DPF3: variants seen among roughly 807,000 people sequenced by gnomAD.
DPF3 encodes the protein zinc finger protein DPF3.
Under a neutral mutation model 56.8 loss-of-function variants are expected in DPF3, and 18 were observed. The observed-to-expected ratio is 0.32, with a 90% CI of 0.22 to 0.47. The LOEUF (loss-of-function observed/expected upper bound fraction) is 0.47, where lower values mean the gene tolerates loss of function less well. Ranked by LOEUF, DPF3 falls within the 20% of genes least tolerant of loss-of-function variation. The pLI is 1.00. For synonymous variants in DPF3, 188 were observed against 180.2 expected (o/e 1.04, Z -0.35); for missense variants, 403 against 488.8 (o/e 0.82, Z 1.65).
intron 1 of DPF3, among the ~76,000 whole-genome samples, chr14:72,810,417 G>A (rs1282186928): frequency 6.6e-6 from 1 of 152,184 alleles, no homozygotes; most frequent in Non-Finnish European, 1.5e-5. Context: ...GCCAGGGTGT[G>A]TTCTAATACG....
At chr14:72,834,452 G>A (rs140278058) in intron 1 of DPF3, among the ~76,000 whole-genome samples, 7 of 146,764 alleles carry the variant, frequency 4.8e-5, no homozygotes, top group Non-Finnish European at 8.9e-5. Context: ...AGCCGAGATC[G>A]TGCCACTGTA....
chr14:72,878,538 T>A (rs1454461011), intron 1 of DPF3, among the ~76,000 whole-genome samples: 2 of 152,216 alleles, frequency 1.3e-5, no homozygotes. Flanking sequence ...TTTAAACCAT[T>A]ACAGTGCTTT....
chr14:72,709,380 G>T (rs1169278718), intron 6 of DPF3, among the ~76,000 whole-genome samples: 1 of 152,178 alleles, frequency 6.6e-6, no homozygotes, highest in African/African-American at 2.4e-5. Flanking sequence ...TAATGCCGTA[G>T]TTGGGGGGCA....
chr14:72,759,531 G>T (rs1408849621), intron 2 of DPF3, among the ~76,000 whole-genome samples: 7 of 143,518 alleles, frequency 4.9e-5, no homozygotes, highest in African/African-American at 1.8e-4. Flanking sequence ...AGAGAGAGAT[G>T]AAAGAGAGAC....
At chr14:72,814,350 CGAGA>C (rs149898189) in intron 1 of DPF3, among the ~76,000 whole-genome samples, 1 of 151,942 alleles carries the variant, frequency 6.6e-6, no homozygotes, top group African/African-American at 2.4e-5. Flanking sequence ...TGTGTGAGAG[CGAGA>C]GAGAGAGTCC....
chr14:72,755,962 G>T (rs1273563503), intron 2 of DPF3, among the ~76,000 whole-genome samples: 1 of 152,194 alleles, frequency 6.6e-6, no homozygotes, highest in Non-Finnish European at 1.5e-5. Flanking sequence ...TCTCAGAACA[G>T]GAGGCAGATA....
chr14:72,826,843 C>T (rs1244254659), intron 1 of DPF3, among the ~76,000 whole-genome samples: 1 of 152,030 alleles, frequency 6.6e-6, no homozygotes, highest in Non-Finnish European at 1.5e-5. Flanking sequence ...GAGATCAAGA[C>T]CATCCTGGCA....
intron 8 of DPF3, among the ~76,000 whole-genome samples, chr14:72,655,763 C>T (rs1029809327): frequency 2.0e-5 from 3 of 152,208 alleles, no homozygotes; most frequent in Non-Finnish European, 2.9e-5. Context: ...GATCAGAATA[C>T]ATATCCGTGA....
intron 8 of DPF3, chr14:72,671,255 C>T: frequency 6.2e-7 from 1 of 1,613,986 alleles, no homozygotes; most frequent in Non-Finnish European, 8.5e-7. Flanking sequence ...GTGTCACTTT[C>T]TGACGTGGAA....
Position 72,610,890 on chromosome 14 carries a change from C to T in DPF3, c.*8407G>A, listed in dbSNP as rs765471013. Among the ~76,000 whole-genome samples, 2 of 152,228 alleles carry T rather than the reference C, an allele frequency of 1.3e-5. No individual in the cohort carries two copies. Among genetic ancestry groups the T allele is most frequent in the Non-Finnish European group, 2.9e-5 (2 of 68,034 alleles). ...GAGGCCTTTGCCTCACCCCTTCCAC[C>T]AGCAGGGCCATTCAGAGAAGTCTTG... is the stretch of plus-strand genomic sequence containing the variant. On this transcript the variant is annotated 3_prime_UTR_variant, in exon 11 of 11. Coordinates refer to ENST00000556509, the MANE Select transcript of DPF3 (RefSeq NM_001280542.3).
chr14:72,723,487 A>G (rs1889267459), intron 5 of DPF3, 146 bp downstream of exon 5: 2 of 700,946 alleles, frequency 2.9e-6, no homozygotes, highest in Admixed American at 3.3e-5. Flanking sequence ...ACCTGGGATC[A>G]GAGCTCTTCT....
intron 7 of DPF3, among the ~76,000 whole-genome samples, chr14:72,684,560 CAGTGAGACACAGA>C (rs1887320789): frequency 6.6e-6 from 1 of 151,028 alleles, no homozygotes; most frequent in Admixed American, 6.6e-5. Flanking sequence ...CCAGGAAAGA[CAGTGAGACACAGA>C]ATGAGAGAGA....
intron 1 of DPF3, chr14:72,880,064 AACAG>A: frequency 8.8e-7 from 1 of 1,139,802 alleles, no homozygotes. Flanking sequence ...ATGGCTCAGT[AACAG>A]ACATAGTAAG....
At chr14:72,807,391 T>TATC (rs1882828846) in intron 1 of DPF3, among the ~76,000 whole-genome samples, 1 of 152,106 alleles carries the variant, frequency 6.6e-6, no homozygotes, top group African/African-American at 2.4e-5. Flanking sequence ...ATAAATACAT[T>TATC]ATTATTATTA....
At chr14:72,717,969 G>A (rs975831427) in intron 5 of DPF3, among the ~76,000 whole-genome samples, 1 of 152,216 alleles carries the variant, frequency 6.6e-6, no homozygotes, top group Admixed American at 6.5e-5. Flanking sequence ...GCTGGCTCGG[G>A]AGTAGTCACC....
rs937181349 is a variant in DPF3 at position 72,629,717 on chromosome 14, C to T, written c.891G>A (p.Gln297=). ...CGRSGHPTCL[Q]FTLNMTEAVK... ...CAGCCTCGGTCATGTTCAGGGTAAACTGCAGGCAGGTTGGGTGACCTGGAG... is the reference window on the plus strand; with the variant it reads ...CAGCCTCGGTCATGTTCAGGGTAAATTGCAGGCAGGTTGGGTGACCTGGAG... Residue 297 remains glutamine (Q), a synonymous_variant, in exon 9 of 11, where the codon CAG becomes CAA. Coordinates refer to ENST00000556509, the MANE Select transcript of DPF3 (RefSeq NM_001280542.3). 7 of 1,535,958 alleles carry T rather than the reference C, an allele frequency of 4.6e-6. No individual in the cohort carries two copies. The African/African-American group carries it at 8.2e-5, about 18-fold the overall frequency.
At chr14:72,831,153 C>T (rs767031447) in intron 1 of DPF3, among the ~76,000 whole-genome samples, 7 of 152,044 alleles carry the variant, frequency 4.6e-5, no homozygotes, top group Non-Finnish European at 7.4e-5. Context: ...TATAAAAGGG[C>T]GTTGGGGGAA....
At chr14:72,870,297 T>G (rs1337133288) in intron 1 of DPF3, among the ~76,000 whole-genome samples, 2 of 152,134 alleles carry the variant, frequency 1.3e-5, no homozygotes, top group Non-Finnish European at 2.9e-5. Flanking sequence ...GCCACTTTGG[T>G]CTAAAGGACT....
At position 72,731,885 on chromosome 14, in the gene DPF3, C is replaced by T. The variant is rs371587812; in HGVS notation, c.351G>A (p.Thr117=). The T allele has an allele frequency of 2.0e-5, 32 of 1,607,952 alleles. No individual in the cohort carries two copies. Among genetic ancestry groups the T allele is most frequent in the East Asian group, 2.2e-5 (1 of 44,744 alleles). ...KKDGFTSEST[T]LEALLRGEGV... ...CCTCGCCACGGAGCAAGGCTTCCAGCGTGGTGCTCTCTGAGGTGAACCCAT... is the reference window on the plus strand; with the variant it reads ...CCTCGCCACGGAGCAAGGCTTCCAGTGTGGTGCTCTCTGAGGTGAACCCAT... The change falls in exon 4 of 11, where the codon ACG becomes ACA. Residue 117 remains threonine, a synonymous_variant. Coordinates refer to ENST00000556509, the MANE Select transcript of DPF3 (RefSeq NM_001280542.3).
Sources: gnomAD v4.1 joint callset for allele counts (sites outside exome capture counted in the v4.1 genomes callset) on GRCh38, gnomAD v4.1.1 for gene constraint, MANE v1.5 for transcripts, NCBI Gene and HGNC (gene_info 2026-07-23, HGNC 2026-07-21) for gene names.